Variants in PIK3C2A observed in about 807,000 individuals in gnomAD.
The protein encoded by PIK3C2A is phosphatidylinositol 4-phosphate 3-kinase C2 domain-containing subunit alpha.
Under a neutral mutation model 204.5 loss-of-function variants are expected in PIK3C2A, and 97 were observed. The ratio of observed to expected loss-of-function variants is 0.47; its 90% CI spans 0.40 to 0.56. PIK3C2A has a LOEUF of 0.56. PIK3C2A is among the 20% of genes least tolerant of loss of function. The pLI is 0.00. For synonymous variants in PIK3C2A, 653 were observed against 664.4 expected, an observed-to-expected ratio of 0.98 and a Z score of 0.26; for missense variants, 1,735 against 1,969.2, an observed-to-expected ratio of 0.88 and a Z score of 2.25.
In PIK3C2A at chr11:17,105,389, T is replaced by C. The variant is rs1848777381; in HGVS notation, c.3545-84A>G. On this transcript the variant is annotated intron_variant, in intron 22 of 32. Coordinates refer to ENST00000691414, the MANE Select transcript of PIK3C2A (RefSeq NM_002645.4). Reference sequence around the variant, plus strand: ...ATTTTTAAAAATTATTATTACTTTTTAAATTTCACTTTAAGTTCTGGGATA... The same window carrying C: ...ATTTTTAAAAATTATTATTACTTTTCAAATTTCACTTTAAGTTCTGGGATA... 3.4e-6 allele frequency: 4 copies of C among 1,160,796 alleles called. No homozygotes were observed. In the East Asian group the frequency reaches 1.0e-4, roughly 30 times the overall value. The allele number at this position is 1,160,796 out of a possible 1,614,324, so 71.9% of individuals were successfully genotyped here.
intron 24 of PIK3C2A, 52 bp from the exon 25 acceptor site, chr11:17,101,486 T>C (rs1848620025): frequency 9.9e-7 from 1 of 1,012,752 alleles, no homozygotes; most frequent in Non-Finnish European, 1.4e-6. Context: ...GATACTCCAA[T>C]AGTGCTATTA....
At chr11:17,133,603 C>CT (rs1296395703) in intron 11 of PIK3C2A, among the ~76,000 whole-genome samples, 2 of 152,084 alleles carry the variant, frequency 1.3e-5, no homozygotes, top group Non-Finnish European at 2.9e-5. Context: ...ATATTTCTGA[C>CT]TTTTCAGTTC....
At chr11:17,138,601 A>G (rs4356203) in intron 8 of PIK3C2A, among the ~76,000 whole-genome samples, 47,244 of 151,930 alleles carry the variant, frequency 0.31, 8,860 homozygotes, top group Non-Finnish European at 0.42. Flanking sequence ...GCTTTTATGC[A>G]CCTCCTATCG....
At chr11:17,093,134 T>C (rs1239794455) in intron 28 of PIK3C2A, among the ~76,000 whole-genome samples, 1 of 152,176 alleles carries the variant, frequency 6.6e-6, no homozygotes, top group African/African-American at 2.4e-5. Context: ...ACTTTTGAAA[T>C]CTAGTCTGAA....
rs749660829 is a variant in PIK3C2A, at chr11:17,099,972, G to A, written c.4009-3C>T. ...TCTGGTAACCCTGAAGGAATCATCT[G>A]TAGAAGAAAACAAAAAGTTCTGTGA... On this transcript the variant is annotated splice_polypyrimidine_tract_variant and splice_region_variant and intron_variant, in intron 25 of 32. Coordinates refer to ENST00000691414, the MANE Select transcript of PIK3C2A (RefSeq NM_002645.4). The A allele has an allele frequency of 9.8e-6, 14 of 1,434,784 alleles. No individual in the cohort carries two copies. Among genetic ancestry groups the A allele is most frequent in the African/African-American group, 7.1e-5 (5 of 70,634 alleles). 88.9% of individuals were successfully genotyped at this position (1,434,784 alleles called of 1,614,324 possible).
chr11:17,150,573 A>T lies in PIK3C2A; in HGVS notation c.1252T>A (p.Cys418Ser). The T allele has an allele frequency of 6.2e-7, 1 of 1,612,370 alleles. No homozygotes were observed. The highest frequency in any genetic ancestry group is 1.3e-5 in the African/African-American group (1 of 74,822). ...LSPVTAQRNI[C>S]GENASVKVSI... ...ACCTTCACACTAGCATTTTCTCCGC[A>T]TATGTTTCTTTGTGCTGTGACTGGA... Residue 418 changes from cysteine to serine, a missense_variant, in exon 4 of 33, where the codon TGC becomes AGC. Physicochemically the swap from Cys to Ser is moderately radical, Grantham distance 112. Coordinates refer to ENST00000691414, the MANE Select transcript of PIK3C2A (RefSeq NM_002645.4).
intron 8 of PIK3C2A, among the ~76,000 whole-genome samples, chr11:17,141,535 T>C (rs910681014): frequency 2.6e-5 from 4 of 152,206 alleles, no homozygotes; most frequent in African/African-American, 7.2e-5. Context: ...GTTGGAAAAC[T>C]AGACTAAGTA....
chr11:17,147,639 A>T lies in PIK3C2A; in HGVS notation c.1449-11T>A. 7.4e-7 allele frequency: 1 copy of T among 1,356,922 alleles called. No individual in the cohort carries two copies. 84.1% of individuals were successfully genotyped at this position (1,356,922 alleles called of 1,614,324 possible). Reference sequence around the variant, plus strand: ...CCAAGGCAATGATTACTGTTAAGATATATTAATTATTCACTATTCTATTCA... The same window carrying T: ...CCAAGGCAATGATTACTGTTAAGATTTATTAATTATTCACTATTCTATTCA... On this transcript the variant is annotated splice_polypyrimidine_tract_variant and intron_variant, in intron 5 of 32. Transcript: ENST00000691414.
Position 17,193,868 on chromosome 11 carries a change from A to AAAAGAAAAGAAAAGAAAAGAAAAGG in PIK3C2A, c.-66+13979_-66+13980insCCTTTTCTTTTCTTTTCTTTTCTTT, listed in dbSNP as rs1852033439. 8 of 106,114 alleles carry AAAAGAAAAGAAAAGAAAAGAAAAGG rather than the reference A, an allele frequency of 7.5e-5. 3 individuals are homozygous for AAAAGAAAAGAAAAGAAAAGAAAAGG. Among genetic ancestry groups the AAAAGAAAAGAAAAGAAAAGAAAAGG allele is most frequent in the Admixed American group, 5.0e-4 (4 of 7,936 alleles). The allele number at this position is 106,114 out of a possible 1,614,324, so 6.6% of individuals were successfully genotyped here. On this transcript the variant is annotated intron_variant, in intron 1 of 32. Coordinates refer to ENST00000691414, the MANE Select transcript of PIK3C2A (RefSeq NM_002645.4). ...TCAAAAAAAGAAAAGAAAAGAAAAG[A>AAAAGAAAAGAAAAGAAAAGAAAAGG]AAAGAAAAGAAAAGAAAAGAAAAGA...
In PIK3C2A at chr11:17,117,576, T is replaced by C. The variant is rs775469539; in HGVS notation, c.3131A>G (p.Glu1044Gly). The C allele has an allele frequency of 2.5e-6, 4 of 1,613,714 alleles. No homozygotes were observed. The East Asian group carries it at 8.9e-5, about 36-fold the overall frequency. Reference protein sequence around the residue: ...LLSVGGKRLREELLKQTKLVQ... With the variant: ...LLSVGGKRLRGELLKQTKLVQ... The stretch of plus-strand genomic sequence containing the variant: ...AAGTTTCGTCTGTTTTAGAAGTTCT[T>C]CTCTAAGTCGTTTTCCTCCTACTGA... Residue 1044 changes from glutamate (E) to glycine (G), a missense_variant, in exon 19 of 33, where the codon GAA becomes GGA. Physicochemically the swap from Glu to Gly is moderately conservative, Grantham distance 98. This residue lies in a region of PIK3C2A where 567 missense variants were observed against 576.0 expected (regional missense o/e 0.98). Coordinates refer to ENST00000691414, the MANE Select transcript of PIK3C2A (RefSeq NM_002645.4).
At chr11:17,090,261 G>T (rs1848266545) in intron 32 of PIK3C2A, among the ~76,000 whole-genome samples, 2 of 152,176 alleles carry the variant, frequency 1.3e-5, no homozygotes, top group Admixed American at 6.5e-5. Flanking sequence ...CTGAGGTTGG[G>T]AGTTTACAAC....
chr11:17,156,770 A>G (rs560412687), intron 2 of PIK3C2A, among the ~76,000 whole-genome samples: 10 of 152,302 alleles, frequency 6.6e-5, no homozygotes, highest in Middle Eastern at 3.4e-3. Flanking sequence ...AGAAAAAAAT[A>G]AATACTTCGA....
At chr11:17,194,535 G>C (rs1288785025) in intron 1 of PIK3C2A, 1 of 152,600 alleles carries the variant, frequency 6.6e-6, no homozygotes, top group Non-Finnish European at 1.5e-5. Flanking sequence ...TTATTAATTA[G>C]CTATTTCAAC....
At position 17,146,399 on chromosome 11, in the gene PIK3C2A, A is replaced by C. The variant is rs555187256; in HGVS notation, c.1561-457T>G. ...ACTCGCTCTTCTACCCTAAGTCTAC[A>C]TTACGCAAATGTAGTCAAGAACATC... On this transcript the variant is annotated intron_variant, in intron 6 of 32. Transcript: ENST00000691414. Among the ~76,000 whole-genome samples the C allele has an allele frequency of 6.8e-4, 104 of 152,232 alleles. 1 individual carries two copies. Among genetic ancestry groups the C allele is most frequent in the Middle Eastern group, 6.8e-3 (2 of 294 alleles).
rs1850221416 is a variant in PIK3C2A, at chr11:17,145,729, T to C, written c.1643A>G (p.His548Arg). The C allele has an allele frequency of 1.9e-6, 3 of 1,604,706 alleles. No homozygotes were observed. The highest frequency in any genetic ancestry group is 1.3e-5 in the African/African-American group (1 of 74,726). ...EKPCKEAMTRHPVEELLDSYH... is the reference protein window; with the variant it reads ...EKPCKEAMTRRPVEELLDSYH... Reference sequence around the variant, plus strand: ...AGAATCTAAGAGTTCTTCAACAGGGTGTCTGAAAGAAACAACAGTTATTGT... The same window carrying C: ...AGAATCTAAGAGTTCTTCAACAGGGCGTCTGAAAGAAACAACAGTTATTGT... The change falls in exon 8 of 33, where the codon CAC becomes CGC. Residue 548 changes from histidine (H) to arginine (R), a missense_variant and splice_region_variant. By Grantham distance (29) the His-to-Arg change is conservative. Coordinates refer to ENST00000691414, the MANE Select transcript of PIK3C2A (RefSeq NM_002645.4).
chr11:17,138,035 C>T, intron 8 of PIK3C2A: 2 of 637,570 alleles, frequency 3.1e-6, no homozygotes, highest in East Asian at 6.7e-5. Flanking sequence ...ATTTTCTGCT[C>T]CTTGATAAGG....
At chr11:17,143,014 AC>A (rs1158522365) in intron 8 of PIK3C2A, among the ~76,000 whole-genome samples, 7 of 151,036 alleles carry the variant, frequency 4.6e-5, no homozygotes, top group Admixed American at 1.3e-4. Flanking sequence ...TTTCCTGGTG[AC>A]CTCATCCTGC....
chr11:17,099,538 TCA>T (rs1306721047), intron 26 of PIK3C2A, among the ~76,000 whole-genome samples: 2 of 152,080 alleles, frequency 1.3e-5, no homozygotes, highest in African/African-American at 4.8e-5. Context: ...ACAGCAAGAC[TCA>T]GTCTCAAAAT....
intron 27 of PIK3C2A, among the ~76,000 whole-genome samples, chr11:17,096,070 G>C (rs1270435580): frequency 6.7e-6 from 1 of 148,564 alleles, no homozygotes; most frequent in East Asian, 2.0e-4. Context: ...ACAGCGTCTT[G>C]CTCTGTTGCC....
Sources: allele counts gnomAD v4.1 joint callset (sites outside exome capture counted in the v4.1 genomes callset), GRCh38; gene constraint gnomAD v4.1.1; regional missense constraint gnomAD v4.1.1; transcripts MANE v1.5; gene names NCBI Gene and HGNC (gene_info 2026-07-23, HGNC 2026-07-21).